Variants in CPNE4 observed in about 807,000 individuals in gnomAD.
The protein encoded by CPNE4 is copine 4.
In CPNE4, 25 loss-of-function variants were observed where a neutral mutation model predicts 67.9. The observed-to-expected ratio is 0.37, with a 90% confidence interval of 0.27 to 0.51. The LOEUF is 0.51. Ranked by LOEUF, CPNE4 falls within the 20% of genes least tolerant of loss-of-function variation. The pLI is 0.93. For missense variants in CPNE4, 464 were observed against 690.8 expected, an observed-to-expected ratio of 0.67 and a Z score of 3.68; for synonymous variants, 242 against 244.9, an observed-to-expected ratio of 0.99 and a Z score of 0.11.
chr3:131,711,145 C>A (rs546106385), intron 3 of CPNE4, among the ~76,000 whole-genome samples: 1 of 152,076 alleles, frequency 6.6e-6, no homozygotes, highest in South Asian at 2.1e-4. Flanking sequence ...AAGTGTAAAC[C>A]GGACAGGCAG....
intron 1 of CPNE4, among the ~76,000 whole-genome samples, chr3:131,956,371 T>C (rs924550017): frequency 3.3e-5 from 5 of 152,214 alleles, no homozygotes; most frequent in Admixed American, 2.6e-4. Flanking sequence ...CATAAGGGCA[T>C]ATTTGTGACT....
intron 2 of CPNE4, among the ~76,000 whole-genome samples, chr3:131,882,963 T>C (rs2369224): frequency 0.65 from 98,211 of 151,822 alleles, 32,033 homozygotes; most frequent in Admixed American, 0.73. Context: ...ATGATCCGTC[T>C]GACTCGGGCT....
chr3:131,773,576 G>A (rs1849509), intron 2 of CPNE4, among the ~76,000 whole-genome samples: 97,065 of 151,792 alleles, frequency 0.64, 31,594 homozygotes, highest in Non-Finnish European at 0.7. Flanking sequence ...TCGAACTCCT[G>A]ATCTCAAGAG....
chr3:131,659,935 T>C (rs2080081499), intron 7 of CPNE4, among the ~76,000 whole-genome samples: 1 of 152,046 alleles, frequency 6.6e-6, no homozygotes, highest in Non-Finnish European at 1.5e-5. Flanking sequence ...AAAGTCATGT[T>C]AACAGGAAGA....
At chr3:131,954,455 A>G (rs933312020) in intron 1 of CPNE4, among the ~76,000 whole-genome samples, 6 of 152,188 alleles carry the variant, frequency 3.9e-5, no homozygotes, top group African/African-American at 9.7e-5. Context: ...GAAAAAACAG[A>G]TTCCCTATAA....
chr3:131,978,504 TTA>T (rs1174008333), intron 1 of CPNE4, among the ~76,000 whole-genome samples: 6 of 70,384 alleles, frequency 8.5e-5, no homozygotes, highest in East Asian at 3.9e-4. Context: ...ATTTATATAT[TTA>T]TATATATTTA....
At chr3:131,655,241 C>T (rs1054958915) in intron 7 of CPNE4, among the ~76,000 whole-genome samples, 1 of 152,204 alleles carries the variant, frequency 6.6e-6, no homozygotes, top group African/African-American at 2.4e-5. Context: ...GGGCCCCACC[C>T]TAGACCTACT....
intron 2 of CPNE4, among the ~76,000 whole-genome samples, chr3:131,841,044 T>C (rs2085761895): frequency 6.6e-6 from 1 of 152,190 alleles, no homozygotes; most frequent in African/African-American, 2.4e-5. Flanking sequence ...CAAATAAGTG[T>C]AGTCTATCAC....
At chr3:131,975,241 G>T (rs753754049) in intron 1 of CPNE4, among the ~76,000 whole-genome samples, 76 of 152,194 alleles carry the variant, frequency 5.0e-4, no homozygotes, top group Non-Finnish European at 7.8e-4. Context: ...CAAGTTAAGA[G>T]AACCCAGTCA....
chr3:131,594,181 C>G (rs1938706637), intron 7 of CPNE4, among the ~76,000 whole-genome samples: 1 of 152,102 alleles, frequency 6.6e-6, no homozygotes, highest in African/African-American at 2.4e-5. Context: ...TCTTCTATAC[C>G]TAGTTTGTTG....
chr3:131,574,166 G>A (rs1003726464), intron 10 of CPNE4, among the ~76,000 whole-genome samples: 1 of 152,132 alleles, frequency 6.6e-6, no homozygotes, highest in African/African-American at 2.4e-5. Flanking sequence ...GAGCCAGTCA[G>A]GGAGCTGAAC....
At chr3:131,860,608 G>A (rs1355779) in intron 2 of CPNE4, among the ~76,000 whole-genome samples, 100,926 of 151,950 alleles carry the variant, frequency 0.66, 33,801 homozygotes, top group Admixed American at 0.74. Context: ...AGCATACATG[G>A]CCTTAGGTCA....
chr3:131,685,708 G>C (rs2080872937), intron 6 of CPNE4, among the ~76,000 whole-genome samples, 167 bp downstream of exon 6: 1 of 152,132 alleles, frequency 6.6e-6, no homozygotes, highest in Non-Finnish European at 1.5e-5. Flanking sequence ...TTGAAGCTGG[G>C]AGGTGGCGGT....
intron 2 of CPNE4, among the ~76,000 whole-genome samples, chr3:131,786,953 A>G (rs2083581181): frequency 1.3e-5 from 2 of 152,296 alleles, no homozygotes; most frequent in African/African-American, 4.8e-5. Flanking sequence ...GCACCAGCAC[A>G]TGCTCTCTCT....
At chr3:131,905,079 G>A (rs1008795104) in intron 2 of CPNE4, among the ~76,000 whole-genome samples, 185 bp downstream of exon 2, 4 of 152,012 alleles carry the variant, frequency 2.6e-5, no homozygotes, top group African/African-American at 9.7e-5. Flanking sequence ...TGAATTAAGG[G>A]TAAATGTCAA....
At chr3:131,760,884 C>G (rs1484657290) in intron 2 of CPNE4, among the ~76,000 whole-genome samples, 1 of 152,018 alleles carries the variant, frequency 6.6e-6, no homozygotes, top group East Asian at 1.9e-4. Flanking sequence ...AAAGGGATGG[C>G]AAATGAGATG....
At chr3:131,843,204 T>C (rs1297358173) in intron 2 of CPNE4, among the ~76,000 whole-genome samples, 3 of 152,198 alleles carry the variant, frequency 2.0e-5, no homozygotes, top group Admixed American at 6.5e-5. Context: ...GTGCCGGATA[T>C]GATTCTGAGA....
At chr3:131,977,427 G>A (rs2072691898) in intron 1 of CPNE4, among the ~76,000 whole-genome samples, 1 of 152,094 alleles carries the variant, frequency 6.6e-6, no homozygotes. Context: ...CAGGATAAGA[G>A]ACACTCATAC....
chr3:131,541,620 C>A (rs1169141599), intron 15 of CPNE4, among the ~76,000 whole-genome samples: 1 of 146,568 alleles, frequency 6.8e-6, no homozygotes, highest in Non-Finnish European at 1.5e-5. Flanking sequence ...AGTTTTCAAT[C>A]TACCTTAGCA....
Sources: allele counts gnomAD v4.1 joint callset (sites outside exome capture counted in the v4.1 genomes callset), GRCh38; gene constraint gnomAD v4.1.1; transcripts MANE v1.5; gene names NCBI Gene and HGNC (gene_info 2026-07-23, HGNC 2026-07-21).